Variants in B3GALT1 observed in about 807,000 individuals in gnomAD.
B3GALT1 encodes beta-1,3-galactosyltransferase 1.
B3GALT1 carries 10 observed loss-of-function variants against 23.2 expected under a neutral mutation model. The observed-to-expected ratio is 0.43, with a 90% CI of 0.27 to 0.73. The LOEUF (loss-of-function observed/expected upper bound fraction) is 0.73. Ranked by LOEUF, B3GALT1 falls within the 30% of genes least tolerant of loss-of-function variation. B3GALT1 has a pLI of 0.21. For missense variants in B3GALT1, 299 were observed against 405.4 expected, an observed-to-expected ratio of 0.74 and a Z score of 2.25; for synonymous variants, 156 against 141.5, an observed-to-expected ratio of 1.10 and a Z score of -0.73.
intron 3 of B3GALT1, among the ~76,000 whole-genome samples, chr2:167,693,090 G>A (rs1271501359): frequency 6.6e-6 from 1 of 151,890 alleles, no homozygotes; most frequent in Non-Finnish European, 1.5e-5. Context: ...GCTCTCAGTG[G>A]GAGCATTGAG....
intron 3 of B3GALT1, among the ~76,000 whole-genome samples, chr2:167,682,416 C>G (rs944337169): frequency 3.9e-5 from 6 of 152,188 alleles, no homozygotes; most frequent in Non-Finnish European, 5.9e-5. Flanking sequence ...GTCCCATTTG[C>G]ATTGCAAAGT....
chr2:167,865,795 A>G (rs1191826388), intron 4 of B3GALT1, among the ~76,000 whole-genome samples: 1 of 152,214 alleles, frequency 6.6e-6, no homozygotes, highest in Non-Finnish European at 1.5e-5. Flanking sequence ...CCGTCTCAAA[A>G]ACAATAAATA....
chr2:167,330,661 T>C (rs1696959313), intron 1 of B3GALT1, among the ~76,000 whole-genome samples: 1 of 152,208 alleles, frequency 6.6e-6, no homozygotes, highest in Admixed American at 6.5e-5. Context: ...TTTCAATGAA[T>C]TCTTCAGTTC....
intron 2 of B3GALT1, among the ~76,000 whole-genome samples, chr2:167,632,755 AC>A (rs1036786621): frequency 5.3e-4 from 81 of 151,778 alleles, no homozygotes; most frequent in African/African-American, 1.9e-3. Context: ...TTGCCTGTTC[AC>A]TCTGATGATA....
At chr2:167,637,122 T>A (rs570090772) in intron 2 of B3GALT1, among the ~76,000 whole-genome samples, 1 of 152,012 alleles carries the variant, frequency 6.6e-6, no homozygotes, top group Admixed American at 6.6e-5. Flanking sequence ...TGCAGGAATA[T>A]GTATGGGGAG....
chr2:167,720,169 A>T (rs1177222716), intron 3 of B3GALT1, among the ~76,000 whole-genome samples: 1 of 152,238 alleles, frequency 6.6e-6, no homozygotes, highest in Non-Finnish European at 1.5e-5. Flanking sequence ...GAACATTTTG[A>T]TAAAAACAGT....
chr2:167,655,446 C>A (rs1299883941), intron 3 of B3GALT1, among the ~76,000 whole-genome samples: 2 of 152,072 alleles, frequency 1.3e-5, no homozygotes, highest in Non-Finnish European at 2.9e-5. Flanking sequence ...TTTTATCATG[C>A]AAATTTCAAA....
intron 3 of B3GALT1, among the ~76,000 whole-genome samples, chr2:167,807,555 C>T (rs1457918759): frequency 6.6e-6 from 1 of 151,674 alleles, no homozygotes; most frequent in Non-Finnish European, 1.5e-5. Context: ...TTTATTTCTG[C>T]CTTCATTTCG....
intron 1 of B3GALT1, among the ~76,000 whole-genome samples, chr2:167,375,724 T>C (rs978164728): frequency 1.3e-5 from 2 of 152,320 alleles, no homozygotes; most frequent in East Asian, 3.9e-4. Context: ...GTTTATCAGT[T>C]CTAATAGCCT....
intron 4 of B3GALT1, among the ~76,000 whole-genome samples, chr2:167,848,346 A>G (rs1689805516): frequency 6.6e-6 from 1 of 152,178 alleles, no homozygotes; most frequent in African/African-American, 2.4e-5. Context: ...ATCCTTAACA[A>G]AATACTAGCT....
chr2:167,570,236 G>T (rs1684265328), intron 2 of B3GALT1, among the ~76,000 whole-genome samples: 1 of 151,822 alleles, frequency 6.6e-6, no homozygotes, highest in Non-Finnish European at 1.5e-5. Flanking sequence ...ATAGAGAATT[G>T]GTGTAATTTC....
chr2:167,390,039 C>T (rs1697996193), intron 1 of B3GALT1, among the ~76,000 whole-genome samples: 1 of 152,000 alleles, frequency 6.6e-6, no homozygotes, highest in African/African-American at 2.4e-5. Context: ...GGCAGAAGCC[C>T]AACTTATATA....
At chr2:167,669,009 C>T (rs1161767365) in intron 3 of B3GALT1, among the ~76,000 whole-genome samples, 1 of 152,182 alleles carries the variant, frequency 6.6e-6, no homozygotes, top group East Asian at 1.9e-4. Context: ...CCTCTGCCTT[C>T]TTTATATAAA....
At chr2:167,590,691 C>T (rs547261699) in intron 2 of B3GALT1, among the ~76,000 whole-genome samples, 147 of 152,304 alleles carry the variant, frequency 9.7e-4, no homozygotes, top group African/African-American at 3.4e-3. Context: ...CATTTTCTAA[C>T]ACTAAGCTAC....
intron 4 of B3GALT1, among the ~76,000 whole-genome samples, chr2:167,821,570 A>C (rs1171985199): frequency 6.6e-6 from 1 of 151,072 alleles, no homozygotes; most frequent in African/African-American, 2.4e-5. Flanking sequence ...AAGTAGCTGG[A>C]ATTACAGGCA....
chr2:167,743,852 G>A (rs1166875504), intron 3 of B3GALT1, among the ~76,000 whole-genome samples: 2 of 151,894 alleles, frequency 1.3e-5, no homozygotes, highest in African/African-American at 2.4e-5. Flanking sequence ...TATTACCTCT[G>A]TTATTCTGCT....
chr2:167,417,185 G>C (rs1698485289), intron 1 of B3GALT1, among the ~76,000 whole-genome samples: 1 of 152,148 alleles, frequency 6.6e-6, no homozygotes, highest in Non-Finnish European at 1.5e-5. Flanking sequence ...ATTGAGAGGT[G>C]GGGCCTTTAA....
At chr2:167,784,781 T>C (rs1688313878) in intron 3 of B3GALT1, among the ~76,000 whole-genome samples, 1 of 152,146 alleles carries the variant, frequency 6.6e-6, no homozygotes, top group South Asian at 2.1e-4. Flanking sequence ...CCAAGTATAA[T>C]ATAAAATGTT....
chr2:167,393,413 C>G (rs906807276), intron 1 of B3GALT1, among the ~76,000 whole-genome samples: 1 of 151,548 alleles, frequency 6.6e-6, no homozygotes, highest in Non-Finnish European at 1.5e-5. Context: ...AGGAGGGATT[C>G]TGGGGTTAGG....
Sources: gnomAD v4.1 joint callset for allele counts (sites outside exome capture counted in the v4.1 genomes callset) on GRCh38, gnomAD v4.1.1 for gene constraint, MANE v1.5 for transcripts, NCBI Gene and HGNC (gene_info 2026-07-23, HGNC 2026-07-21) for gene names.